Variants in DENND1A observed in about 807,000 individuals in gnomAD.
The protein encoded by DENND1A is DENN domain-containing protein 1A.
A neutral mutation model predicts 113.7 loss-of-function variants in DENND1A; 51 were observed. The observed-to-expected ratio is 0.45, with a 90% CI of 0.36 to 0.57. The LOEUF is 0.57. DENND1A is among the 20% of genes least tolerant of loss of function. The pLI, the probability that DENND1A is intolerant of heterozygous loss-of-function variation, is 0.00. For synonymous variants in DENND1A, 565 were observed against 570.8 expected (o/e 0.99, Z 0.14); for missense variants, 1,258 against 1,395.9 (o/e 0.90, Z 1.57).
chr9:123,412,503 T>G (rs1293572544), intron 19 of DENND1A, among the ~76,000 whole-genome samples: 1 of 152,252 alleles, frequency 6.6e-6, no homozygotes, highest in Non-Finnish European at 1.5e-5. Context: ...TTCATCCCTA[T>G]GCCTGCAGGC....
At chr9:123,887,930 T>C (rs1849338408) in intron 1 of DENND1A, among the ~76,000 whole-genome samples, 1 of 152,214 alleles carries the variant, frequency 6.6e-6, no homozygotes, top group South Asian at 2.1e-4. Context: ...AAGGTTTATA[T>C]GTATATATAT....
intron 3 of DENND1A, among the ~76,000 whole-genome samples, chr9:123,787,295 A>G (rs1832333474): frequency 6.6e-6 from 1 of 152,202 alleles, no homozygotes; most frequent in South Asian, 2.1e-4. Flanking sequence ...GATTATATCT[A>G]TAATTTTCTT....
At chr9:123,450,356 T>C (rs910017301) in intron 18 of DENND1A, among the ~76,000 whole-genome samples, 5 of 152,204 alleles carry the variant, frequency 3.3e-5, no homozygotes, top group East Asian at 1.9e-4. Context: ...AGGTCAGCCA[T>C]AGCGGGTGGG....
intron 17 of DENND1A, among the ~76,000 whole-genome samples, chr9:123,451,106 C>G (rs1285585213): frequency 2.0e-5 from 3 of 152,138 alleles, no homozygotes; most frequent in Admixed American, 2.0e-4. Context: ...TTCAGAATAT[C>G]CATTCTATTT....
chr9:123,485,265 T>C (rs1299137387), intron 13 of DENND1A, among the ~76,000 whole-genome samples: 2 of 152,222 alleles, frequency 1.3e-5, no homozygotes, highest in Non-Finnish European at 2.9e-5. Context: ...CCATTTCAGC[T>C]CCGCACTATC....
Position 123,759,161 on chromosome 9 carries a change from GT to G in DENND1A, c.183-1340del, listed in dbSNP as rs1482518056. On this transcript the variant is annotated intron_variant, in intron 4 of 23. Coordinates refer to ENST00000394215, the MANE Select transcript of DENND1A (RefSeq NM_001352964.2). ...TCCAGTTTTTAAAATCAGTTTACCAGTTAGCTTGGATTTCATTCCATTTTAA... is the reference window on the plus strand; with the variant it reads ...TCCAGTTTTTAAAATCAGTTTACCAGTAGCTTGGATTTCATTCCATTTTAA... 5 of 152,268 alleles carry G rather than the reference GT, an allele frequency of 3.3e-5. No homozygotes were observed. In the East Asian group the frequency reaches 9.6e-4, roughly 29 times the overall value. 9.4% of individuals were successfully genotyped at this position (152,268 alleles called of 1,614,324 possible). A position where few individuals can be genotyped will look rare whatever the true frequency, so the allele number is the denominator to read the frequency against.
intron 1 of DENND1A, among the ~76,000 whole-genome samples, chr9:123,903,241 A>C (rs1311945250): frequency 7.1e-6 from 1 of 141,704 alleles, no homozygotes; most frequent in Non-Finnish European, 1.5e-5. Flanking sequence ...CTGAGGCAGG[A>C]GAATGGCGTG....
intron 13 of DENND1A, among the ~76,000 whole-genome samples, chr9:123,551,384 C>T (rs1198644040): frequency 1.3e-5 from 2 of 152,184 alleles, no homozygotes; most frequent in Non-Finnish European, 2.9e-5. Context: ...TTCACTGATA[C>T]CTACACACGG....
At chr9:123,628,559 G>C (rs563123660) in intron 10 of DENND1A, among the ~76,000 whole-genome samples, 3 of 152,240 alleles carry the variant, frequency 2.0e-5, no homozygotes, top group East Asian at 1.9e-4. Flanking sequence ...CTGAGGAACA[G>C]AGCAAACGCA....
chr9:123,706,673 A>C (rs999644208), intron 5 of DENND1A, among the ~76,000 whole-genome samples: 8 of 145,894 alleles, frequency 5.5e-5, no homozygotes, highest in African/African-American at 2.0e-4. Context: ...CGGGAGGCTG[A>C]GGCAGGAGAA....
chr9:123,531,877 G>A (rs894300502), intron 13 of DENND1A, among the ~76,000 whole-genome samples: 3 of 152,174 alleles, frequency 2.0e-5, no homozygotes, highest in African/African-American at 7.2e-5. Context: ...TTTGTGGAAG[G>A]GGCAGAGGGT....
At chr9:123,838,483 C>T (rs1841367089) in intron 2 of DENND1A, among the ~76,000 whole-genome samples, 1 of 152,032 alleles carries the variant, frequency 6.6e-6, no homozygotes, top group Non-Finnish European at 1.5e-5. Flanking sequence ...AATGATGATA[C>T]TTGAGGAGCA....
intron 19 of DENND1A, among the ~76,000 whole-genome samples, chr9:123,431,647 A>T (rs1354486695): frequency 6.6e-6 from 1 of 152,182 alleles, no homozygotes; most frequent in African/African-American, 2.4e-5. Flanking sequence ...AGAGGATACC[A>T]CCTGAGCCCC....
intron 19 of DENND1A, among the ~76,000 whole-genome samples, chr9:123,427,754 A>G (rs1220286318): frequency 6.6e-6 from 1 of 152,162 alleles, no homozygotes; most frequent in Non-Finnish European, 1.5e-5. Context: ...CCCCTTAGGT[A>G]TATGCTTCAG....
intron 3 of DENND1A, among the ~76,000 whole-genome samples, chr9:123,772,718 C>T (rs541253216): frequency 6.6e-6 from 1 of 152,078 alleles, no homozygotes; most frequent in South Asian, 2.1e-4. Context: ...TTTTAATGAG[C>T]AAAAAAGTGA....
Position 123,804,479 on chromosome 9 carries a change from A to G in DENND1A, c.89-11849T>C, listed in dbSNP as rs541314931. Reference sequence around the variant, plus strand: ...CCTTGCTGATCTCTCCCTATTGAAGAGCTCCAGAACTCAGTCCTTGGACTT... The same window carrying G: ...CCTTGCTGATCTCTCCCTATTGAAGGGCTCCAGAACTCAGTCCTTGGACTT... On this transcript the variant is annotated intron_variant, in intron 2 of 23. Transcript: ENST00000394215. Among the ~76,000 whole-genome samples the G allele has an allele frequency of 2.0e-5, 3 of 152,230 alleles. No individual in the cohort carries two copies. The East Asian group carries it at 5.8e-4, about 29-fold the overall frequency.
chr9:123,508,616 G>T (rs1010293649), intron 13 of DENND1A, among the ~76,000 whole-genome samples: 3 of 152,196 alleles, frequency 2.0e-5, no homozygotes, highest in Non-Finnish European at 2.9e-5. Context: ...CTTCAGTGAG[G>T]AAAAATGCTT....
At chr9:123,669,053 G>A (rs2063630280) in intron 7 of DENND1A, among the ~76,000 whole-genome samples, 1 of 152,096 alleles carries the variant, frequency 6.6e-6, no homozygotes, top group African/African-American at 2.4e-5. Flanking sequence ...AAGAATAAAT[G>A]TTATATATAT....
At chr9:123,728,509 A>AC (rs2067916001) in intron 5 of DENND1A, among the ~76,000 whole-genome samples, 2 of 147,048 alleles carry the variant, frequency 1.4e-5, no homozygotes, top group African/African-American at 2.6e-5. Flanking sequence ...AAAAAAAAAA[A>AC]ACAGGCATCA....
Sources: allele counts gnomAD v4.1 joint callset (sites outside exome capture counted in the v4.1 genomes callset), GRCh38; gene constraint gnomAD v4.1.1; transcripts MANE v1.5; gene names NCBI Gene and HGNC (gene_info 2026-07-23, HGNC 2026-07-21).